Variants in GRID1 observed in about 807,000 individuals in gnomAD.
The protein encoded by GRID1 is glutamate receptor ionotropic, delta-1.
A neutral mutation model predicts 98.0 loss-of-function variants in GRID1; 28 were observed. That is an observed-to-expected ratio of 0.29 (90% CI 0.21 to 0.39). The LOEUF is 0.39. Among genes scored for constraint, GRID1 ranks in the 10% least tolerant of loss-of-function variants. GRID1 has a pLI of 1.00. For synonymous variants in GRID1, 553 were observed against 538.5 expected (o/e 1.03, Z -0.37); for missense variants, 1,111 against 1,340.5 (o/e 0.83, Z 2.67).
At chr10:85,889,796 C>T (rs908019807) in intron 5 of GRID1, among the ~76,000 whole-genome samples, 3 of 152,128 alleles carry the variant, frequency 2.0e-5, no homozygotes, top group African/African-American at 7.2e-5. Flanking sequence ...ACATTCTCAC[C>T]AACAGTGTGT....
At chr10:85,836,454 C>A (rs924362772) in intron 8 of GRID1, among the ~76,000 whole-genome samples, 4 of 152,150 alleles carry the variant, frequency 2.6e-5, no homozygotes, top group African/African-American at 9.7e-5. Context: ...TTTTGACCTA[C>A]AACAGCTCTA....
At chr10:85,978,697 C>A (rs1564640716) in intron 4 of GRID1, among the ~76,000 whole-genome samples, 1 of 152,162 alleles carries the variant, frequency 6.6e-6, no homozygotes, top group Non-Finnish European at 1.5e-5. Context: ...GTCCTCCCTG[C>A]CTGCATGAGC....
chr10:86,073,437 A>T (rs1589361672), intron 4 of GRID1, among the ~76,000 whole-genome samples: 1 of 152,146 alleles, frequency 6.6e-6, no homozygotes, highest in African/African-American at 2.4e-5. Flanking sequence ...TCTTCCTGGG[A>T]CAGTTTTGCT....
chr10:85,816,951 T>C (rs1427796694), intron 8 of GRID1, among the ~76,000 whole-genome samples: 1 of 152,220 alleles, frequency 6.6e-6, no homozygotes, highest in Admixed American at 6.5e-5. Flanking sequence ...ACTGAGAACA[T>C]GCAGCATTTG....
chr10:86,328,884 G>A (rs1244113683), intron 2 of GRID1, among the ~76,000 whole-genome samples: 4 of 150,572 alleles, frequency 2.7e-5, no homozygotes, highest in African/African-American at 7.3e-5. Flanking sequence ...CAGGACCCCC[G>A]GGTCACCCCA....
chr10:85,970,698 T>C (rs1842396405), intron 4 of GRID1, among the ~76,000 whole-genome samples: 1 of 152,092 alleles, frequency 6.6e-6, no homozygotes, highest in African/African-American at 2.4e-5. Context: ...AAAGGACATC[T>C]ATGAAACATC....
intron 3 of GRID1, among the ~76,000 whole-genome samples, chr10:86,160,862 A>C (rs1482433312): frequency 1.3e-5 from 2 of 152,250 alleles, no homozygotes; most frequent in Non-Finnish European, 2.9e-5. Flanking sequence ...ACTCCAGCCC[A>C]AAAGCTGTTC....
At chr10:86,028,669 T>A (rs1843147287) in intron 4 of GRID1, among the ~76,000 whole-genome samples, 1 of 152,170 alleles carries the variant, frequency 6.6e-6, no homozygotes, top group Non-Finnish European at 1.5e-5. Flanking sequence ...CCCCTCAGCA[T>A]ACCTCTTAGC....
At chr10:86,336,121 T>A (rs548379270) in intron 2 of GRID1, among the ~76,000 whole-genome samples, 1 of 152,326 alleles carries the variant, frequency 6.6e-6, no homozygotes, top group African/African-American at 2.4e-5. Flanking sequence ...GAAGGCTGTG[T>A]CTCTATCACA....
chr10:86,014,816 G>C (rs1196357847), intron 4 of GRID1, among the ~76,000 whole-genome samples: 2 of 152,134 alleles, frequency 1.3e-5, no homozygotes, highest in Non-Finnish European at 2.9e-5. Flanking sequence ...TGTGACTCTG[G>C]CCACGCTGGC....
intron 5 of GRID1, among the ~76,000 whole-genome samples, chr10:85,886,427 A>G (rs1282692154): frequency 6.6e-6 from 1 of 152,204 alleles, no homozygotes; most frequent in African/African-American, 2.4e-5. Flanking sequence ...TTTTTCTGTT[A>G]CTGTAGTCAA....
chr10:86,224,735 A>G (rs1042094669), intron 2 of GRID1, among the ~76,000 whole-genome samples: 3 of 152,166 alleles, frequency 2.0e-5, no homozygotes, highest in Admixed American at 6.5e-5. Flanking sequence ...ACTGGCCACT[A>G]AAATAAGCTC....
chr10:85,952,404 A>T (rs1022088085), intron 4 of GRID1, among the ~76,000 whole-genome samples: 3 of 152,204 alleles, frequency 2.0e-5, no homozygotes, highest in Admixed American at 6.5e-5. Flanking sequence ...AAAATTAGCA[A>T]TGCCATGTTT....
At chr10:86,236,951 T>G (rs1846549254) in intron 2 of GRID1, among the ~76,000 whole-genome samples, 1 of 152,132 alleles carries the variant, frequency 6.6e-6, no homozygotes, top group Non-Finnish European at 1.5e-5. Flanking sequence ...GCACTGCTGC[T>G]GGGAGGTAGA....
At chr10:86,178,866 A>C (rs1386374020) in intron 3 of GRID1, among the ~76,000 whole-genome samples, 1 of 152,070 alleles carries the variant, frequency 6.6e-6, no homozygotes, top group Non-Finnish European at 1.5e-5. Context: ...GTGTTTCCTG[A>C]TGGGGAGAAT....
chr10:85,802,838 A>AACACACACAC (rs59101010), intron 8 of GRID1, among the ~76,000 whole-genome samples: 1,612 of 120,924 alleles, frequency 0.013, 18 homozygotes, highest in Non-Finnish European at 0.015. Flanking sequence ...AAGCAGAATA[A>AACACACACAC]ACACACACAC....
intron 13 of GRID1, 29 bp from the exon 14 acceptor site, chr10:85,620,062 G>A: frequency 6.3e-7 from 1 of 1,598,296 alleles, no homozygotes; most frequent in African/African-American, 1.3e-5. Context: ...CATGAAGTCA[G>A]GCAGTCCTGG....
At chr10:85,734,874 A>G (rs2132664745) in intron 8 of GRID1, among the ~76,000 whole-genome samples, 1 of 152,238 alleles carries the variant, frequency 6.6e-6, no homozygotes, top group Non-Finnish European at 1.5e-5. Context: ...AATTTTTTTT[A>G]TGTAAATGAA....
chr10:86,222,319 C>T (rs915480746), intron 2 of GRID1, among the ~76,000 whole-genome samples: 32 of 152,228 alleles, frequency 2.1e-4, no homozygotes, highest in African/African-American at 7.7e-4. Flanking sequence ...CTTCCAGGTG[C>T]CTCCCAGCCC....
Sources: gnomAD v4.1 joint callset for allele counts (sites outside exome capture counted in the v4.1 genomes callset) on GRCh38, gnomAD v4.1.1 for gene constraint, MANE v1.5 for transcripts, NCBI Gene and HGNC (gene_info 2026-07-23, HGNC 2026-07-21) for gene names.